The following GLIS3 variants were observed in gnomAD, a reference collection of about 807,000 sequenced individuals.
GLIS3 encodes GLIS family zinc finger 3.
A neutral mutation model predicts 78.6 loss-of-function variants in GLIS3; 53 were observed. The observed-to-expected ratio is 0.67, with a 90% CI of 0.54 to 0.85. GLIS3 has a LOEUF of 0.85. Ranked by LOEUF, GLIS3 falls within the 40% of genes least tolerant of loss-of-function variation. The pLI, the probability that GLIS3 is intolerant of heterozygous loss-of-function variation, is 0.00. For synonymous variants in GLIS3, 684 were observed against 509.9 expected (o/e 1.34, Z -4.60); for missense variants, 1,703 against 1,231.1 (o/e 1.38, Z -5.74).
chr9:4,187,746 C>T (rs907974754), intron 2 of GLIS3, among the ~76,000 whole-genome samples: 1 of 152,090 alleles, frequency 6.6e-6, no homozygotes, highest in Non-Finnish European at 1.5e-5. Context: ...GTATTTTATT[C>T]TCTTTGAAGC....
the GLIS3 span, among the ~76,000 whole-genome samples, chr9:4,354,132 G>A: frequency 2.6e-5 from 4 of 151,974 alleles, no homozygotes; most frequent in East Asian, 3.9e-4. Flanking sequence ...CACCACGCCC[G>A]GCCAACTGCA....
intron 2 of GLIS3, among the ~76,000 whole-genome samples, chr9:4,278,282 C>G (rs1200217117): frequency 6.6e-6 from 1 of 152,206 alleles, no homozygotes; most frequent in African/African-American, 2.4e-5. Flanking sequence ...AACAAGAACA[C>G]CCTTTCAGCC....
At chr9:3,912,038 C>T (rs1824189293) in intron 6 of GLIS3, among the ~76,000 whole-genome samples, 1 of 152,142 alleles carries the variant, frequency 6.6e-6, no homozygotes, top group African/African-American at 2.4e-5. Context: ...CATATCTCAG[C>T]TCTGCCCCTA....
At chr9:4,036,061 G>T (rs511847) in intron 4 of GLIS3, 140,446 of 152,256 alleles carry the variant, frequency 0.92, 65,416 homozygotes, top group Non-Finnish European at 0.99. Flanking sequence ...TTCCTTGCTA[G>T]GCTGAAAGAT....
chr9:4,038,228 C>G (rs895236), intron 4 of GLIS3, among the ~76,000 whole-genome samples: 1 of 151,986 alleles, frequency 6.6e-6, no homozygotes, highest in Non-Finnish European at 1.5e-5. Context: ...ATTCCAGTTT[C>G]GACATCCTAA....
intron 4 of GLIS3, among the ~76,000 whole-genome samples, chr9:4,015,981 T>C (rs1329799518): frequency 5.3e-5 from 8 of 151,602 alleles, no homozygotes; most frequent in Non-Finnish European, 1.0e-4. Flanking sequence ...AAATACTGTA[T>C]AGCTAATAAA....
At chr9:4,307,769 T>C (rs1262982740) in intron 4 of GLIS3, among the ~76,000 whole-genome samples, 2 of 152,120 alleles carry the variant, frequency 1.3e-5, no homozygotes, top group Non-Finnish European at 2.9e-5. Flanking sequence ...AGGAAGGAGC[T>C]ATTAACCAAG....
chr9:4,079,157 G>T (rs566393536), intron 4 of GLIS3, among the ~76,000 whole-genome samples: 5 of 152,098 alleles, frequency 3.3e-5, no homozygotes, highest in Non-Finnish European at 7.4e-5. Flanking sequence ...CCTGAAATAG[G>T]GTCCCATTGC....
At chr9:4,455,787 C>A in the GLIS3 span, among the ~76,000 whole-genome samples, 2 of 152,110 alleles carry the variant, frequency 1.3e-5, no homozygotes, top group Non-Finnish European at 2.9e-5. Flanking sequence ...AAGTGATTCA[C>A]ATGATTGTTT....
At chr9:4,428,909 C>T in the GLIS3 span, among the ~76,000 whole-genome samples, 2 of 152,288 alleles carry the variant, frequency 1.3e-5, no homozygotes, top group African/African-American at 2.4e-5. Flanking sequence ...TTGTCCCTGA[C>T]ACCCCCATAC....
At chr9:4,112,286 T>C (rs1245503838) in intron 4 of GLIS3, among the ~76,000 whole-genome samples, 1 of 152,172 alleles carries the variant, frequency 6.6e-6, no homozygotes, top group Non-Finnish European at 1.5e-5. Context: ...CTGAATTTTA[T>C]TACAAGAGAA....
intron 8 of GLIS3, among the ~76,000 whole-genome samples, chr9:3,859,984 T>C (rs1820075748): frequency 6.6e-6 from 1 of 151,882 alleles, no homozygotes. Context: ...TCATAAAAAA[T>C]CCTCTGGGGG....
the GLIS3 span, among the ~76,000 whole-genome samples, chr9:4,357,871 G>A: frequency 6.6e-6 from 1 of 152,248 alleles, no homozygotes. Flanking sequence ...CCTCTGAAGT[G>A]GACAAAGATG....
intron 2 of GLIS3, among the ~76,000 whole-genome samples, chr9:4,206,294 C>G (rs1819874062): frequency 6.6e-6 from 1 of 152,162 alleles, no homozygotes; most frequent in Non-Finnish European, 1.5e-5. Context: ...GAAAAAAGCT[C>G]AGAGAGGCTG....
In GLIS3 at chr9:4,118,930, C is replaced by A. The variant is rs777817389; in HGVS notation, c.597-49G>T. 30 of 1,571,384 alleles carry A rather than the reference C, an allele frequency of 1.9e-5. No individual in the cohort carries two copies. Among genetic ancestry groups the A allele is most frequent in the Non-Finnish European group, 3.4e-6 (4 of 1,163,282 alleles). ...GAAAAAAAAAAGATAAACATTTTAG[C>A]AGGATACGGATTGCTTAAGAGCTAA... On this transcript the variant is annotated intron_variant, in intron 3 of 10. Transcript: ENST00000381971. The surrounding 1 kb of genome is among the most constrained non-coding windows in gnomAD (Gnocchi z 4.7).
At chr9:3,908,937 C>G (rs1823937249) in intron 6 of GLIS3, among the ~76,000 whole-genome samples, 1 of 152,100 alleles carries the variant, frequency 6.6e-6, no homozygotes, top group South Asian at 2.1e-4. Context: ...TTCTGTTAGT[C>G]TGAAGCAAGA....
intron 4 of GLIS3, among the ~76,000 whole-genome samples, chr9:4,029,411 G>C (rs566578506): frequency 7.2e-5 from 11 of 152,220 alleles, no homozygotes; most frequent in Non-Finnish European, 1.3e-4. Context: ...GCACATCATG[G>C]AAAATGTGTT....
chr9:3,838,297 C>T (rs1818483774), intron 9 of GLIS3, among the ~76,000 whole-genome samples: 1 of 152,104 alleles, frequency 6.6e-6, no homozygotes, highest in Non-Finnish European at 1.5e-5. Context: ...AGCCCTTTTA[C>T]TGAGGTGATA....
chr9:4,419,873 GC>G, the GLIS3 span, among the ~76,000 whole-genome samples: 1 of 152,082 alleles, frequency 6.6e-6, no homozygotes, highest in East Asian at 1.9e-4. Context: ...GGAGAAATCT[GC>G]CCCCATGATC....
Sources: gnomAD v4.1 joint callset for allele counts (sites outside exome capture counted in the v4.1 genomes callset) on GRCh38, gnomAD v4.1.1 for gene constraint, Gnocchi (gnomAD v3.1) non-coding constraint, MANE v1.5 for transcripts, NCBI Gene and HGNC (gene_info 2026-07-23, HGNC 2026-07-21) for gene names.